Variants in MAD2L2 observed in about 807,000 individuals in gnomAD.
The protein encoded by MAD2L2 is mitotic spindle assembly checkpoint protein MAD2B.
A neutral mutation model predicts 30.5 loss-of-function variants in MAD2L2; 17 were observed. The ratio of observed to expected loss-of-function variants is 0.56; its 90% CI spans 0.38 to 0.84. MAD2L2 has a LOEUF of 0.84. MAD2L2 is among the 40% of genes least tolerant of loss of function. The probability of loss-of-function intolerance (pLI) is 0.00; values close to 1 mark genes in which losing one functional copy is unlikely to be tolerated. For synonymous variants in MAD2L2, 101 were observed against 113.9 expected, an observed-to-expected ratio of 0.89 and a Z score of 0.72; for missense variants, 213 against 277.4, an observed-to-expected ratio of 0.77 and a Z score of 1.65.
intron 4 of MAD2L2, 65 bp from the exon 5 acceptor site, chr1:11,677,013 C>T (rs1640781634): frequency 1.7e-6 from 2 of 1,211,340 alleles, no homozygotes; most frequent in African/African-American, 1.5e-5. Flanking sequence ...ACCCTGCCTC[C>T]ACCCCCTTGC....
chr1:11,684,384 A>C (rs1640925875), upstream of MAD2L2, among the ~76,000 whole-genome samples: 1 of 151,996 alleles, frequency 6.6e-6, no homozygotes, highest in South Asian at 2.1e-4. Flanking sequence ...TTATTTGCAT[A>C]TTTTTCACCA....
At position 11,675,696 on chromosome 1, in the gene MAD2L2, C is replaced by A; in HGVS notation, c.463G>T (p.Ala155Ser). The A allele has an allele frequency of 6.2e-7, 1 of 1,614,114 alleles. No homozygotes were observed. Among genetic ancestry groups the A allele is most frequent in the Non-Finnish European group, 8.5e-7 (1 of 1,180,002 alleles). The change falls in exon 7 of 9, where the codon GCC (alanine) becomes TCC (serine). Residue 155 changes from alanine (A) to serine (S), a missense_variant. Transcript: ENST00000376692. The part of the protein sequence containing the change: ...TFTVLVHTRE[A>S]ATRNMEKIQV... The stretch of plus-strand genomic sequence containing the variant: ...ATCTTCTCCATGTTGCGAGTGGCGG[C>A]TTCTCTCGTGTGCACCAGGACTGTG...
At position 11,676,176 on chromosome 1, in the gene MAD2L2, G is replaced by A. The variant is rs372152375; in HGVS notation, c.333-36C>T. On this transcript the variant is annotated intron_variant, in intron 5 of 8. Transcript: ENST00000376692. ...GAGGAGGTCTTCCCATCACACTGGC[G>A]CCCTCCCCTCCACCACAGGCATCAA... 1.3e-4 allele frequency: 179 copies of A among 1,400,946 alleles called. 1 individual carries two copies. Among genetic ancestry groups the A allele is most frequent in the East Asian group, 7.7e-4 (33 of 42,752 alleles). 86.8% of individuals were successfully genotyped at this position (1,400,946 alleles called of 1,614,324 possible).
At chr1:11,681,508 A>T (rs1640880292), upstream of MAD2L2, 1 of 152,284 alleles carries the variant, frequency 6.6e-6, no homozygotes, top group Non-Finnish European at 1.5e-5. Context: ...CCGAGTCACC[A>T]TCCCTGCAGC....
At chr1:11,685,797 T>C (rs1640946207), upstream of MAD2L2, among the ~76,000 whole-genome samples, 1 of 151,852 alleles carries the variant, frequency 6.6e-6, no homozygotes, top group Admixed American at 6.6e-5. Flanking sequence ...ACAAAAAATA[T>C]AAAAATTAGC....
chr1:11,675,029 C>G, intron 8 of MAD2L2, 53 bp downstream of exon 8: 1 of 1,465,604 alleles, frequency 6.8e-7, no homozygotes, highest in African/African-American at 1.4e-5. Context: ...CACCGGGCCT[C>G]ACTTCGTTAA....
At position 11,675,641 on chromosome 1, in the gene MAD2L2, G is replaced by T. The variant is rs915400901; in HGVS notation, c.501+17C>A. 3 of 1,613,126 alleles carry T rather than the reference G, an allele frequency of 1.9e-6. No homozygotes were observed. Among genetic ancestry groups the T allele is most frequent in the African/African-American group, 2.7e-5 (2 of 74,922 alleles). On this transcript the variant is annotated intron_variant, in intron 7 of 8. Transcript: ENST00000376692. ...TTTCTAGAGCCTGCGCCCAGACCCA[G>T]ACCCATCTCATCTCACCTTGATGAC...
At chr1:11,675,492 C>T (rs1224898555) in intron 7 of MAD2L2, among the ~76,000 whole-genome samples, 166 bp downstream of exon 7, 2 of 152,208 alleles carry the variant, frequency 1.3e-5, no homozygotes, top group African/African-American at 2.4e-5. Flanking sequence ...CTCACTGCCC[C>T]AAGTGCCCAG....
In MAD2L2 at chr1:11,674,732, A is replaced by G. The variant is rs1273627155; in HGVS notation, c.*43T>C. On this transcript the variant is annotated 3_prime_UTR_variant, in exon 9 of 9. Coordinates refer to ENST00000376692, the MANE Select transcript of MAD2L2 (RefSeq NM_006341.4). This position sits in a 1 kb window ranked among gnomAD's most constrained non-coding sequence, Gnocchi z 6.1. ...GCACTGCCCTAGGCGGGGATCCCCC[A>G]AAGTCTGACAGTTTGGGCATCAGTG... 1 of 1,608,152 alleles carries G rather than the reference A, an allele frequency of 6.2e-7. No individual in the cohort carries two copies. Among genetic ancestry groups the G allele is most frequent in the African/African-American group, 1.3e-5 (1 of 74,962 alleles).
At chr1:11,675,920 G>T in intron 6 of MAD2L2, 126 bp downstream of exon 6, 1 of 921,436 alleles carries the variant, frequency 1.1e-6, no homozygotes, top group Non-Finnish European at 1.8e-6. Context: ...GCTTCCCAGA[G>T]GAGGTGGACT....
At position 11,687,301 on chromosome 1, in the gene MAD2L2, G is replaced by A. The variant is rs1174089344; in HGVS notation, c.-692+4112C>T. Among the ~76,000 whole-genome samples the A allele has an allele frequency of 6.6e-6, 1 of 152,132 alleles. No homozygotes were observed. Among genetic ancestry groups the A allele is most frequent in the African/African-American group, 2.4e-5 (1 of 41,426 alleles). Reference sequence around the variant, plus strand: ...GCCACCCAGGCTGGAGGGCGGTGGTGCAATCTCGGCTCAATGAAATCTCTG... The same window carrying A: ...GCCACCCAGGCTGGAGGGCGGTGGTACAATCTCGGCTCAATGAAATCTCTG... On this transcript the variant is annotated intron_variant, in intron 1 of 10. Transcript: ENST00000235310. This position sits in a 1 kb window ranked among gnomAD's most constrained non-coding sequence, Gnocchi z 4.1.
At chr1:11,677,980 C>G (rs529321380) in intron 3 of MAD2L2, among the ~76,000 whole-genome samples, 26 of 150,978 alleles carry the variant, frequency 1.7e-4, no homozygotes, top group African/African-American at 5.8e-4. Context: ...TCGCTTGAAC[C>G]CGGGAGGCGG....
intron 6 of MAD2L2, 73 bp downstream of exon 6, chr1:11,675,973 G>T: frequency 7.8e-7 from 1 of 1,289,706 alleles, no homozygotes; most frequent in Non-Finnish European, 1.1e-6. Context: ...GCCAAACATG[G>T]ACCTGGGAAC....
At position 11,680,365 on chromosome 1, in the gene MAD2L2, G is replaced by A; in HGVS notation, c.147C>T (p.Asn49=). Residue 49 remains asparagine (N), a synonymous_variant, in exon 3 of 9, where the codon AAC becomes AAT. Transcript: ENST00000376692. The part of the protein sequence containing the change: ...VGIFQKRKKY[N]VPVQMSCHPE... ...GGACGTGCCTCACCTGGACCGGCACGTTGTACTTCTTGCGTTTCTGGAAGA... is the reference window on the plus strand; with the variant it reads ...GGACGTGCCTCACCTGGACCGGCACATTGTACTTCTTGCGTTTCTGGAAGA... 1 of 1,613,714 alleles carries A rather than the reference G, an allele frequency of 6.2e-7. No homozygotes were observed. The highest frequency in any genetic ancestry group is 8.5e-7 in the Non-Finnish European group (1 of 1,179,774).
At position 11,688,133 on chromosome 1, in the gene MAD2L2, G is replaced by A. The variant is rs564994050; in HGVS notation, c.-692+3280C>T. Among the ~76,000 whole-genome samples, 3 of 152,258 alleles carry A rather than the reference G, an allele frequency of 2.0e-5. No individual in the cohort carries two copies. Among genetic ancestry groups the A allele is most frequent in the East Asian group, 3.9e-4 (2 of 5,188 alleles). On this transcript the variant is annotated intron_variant, in intron 1 of 10. Coordinates refer to the MAD2L2 transcript ENST00000235310. This position sits in a 1 kb window ranked among gnomAD's most constrained non-coding sequence, Gnocchi z 4.6. Reference sequence around the variant, plus strand: ...ACTGGCCCACAGCTCTATCCTTGGCGACGCAAATCATGCTGGCTGCACACT... The same window carrying A: ...ACTGGCCCACAGCTCTATCCTTGGCAACGCAAATCATGCTGGCTGCACACT...
chr1:11,680,210 G>A, intron 3 of MAD2L2, 143 bp downstream of exon 3: 1 of 616,454 alleles, frequency 1.6e-6, no homozygotes. Context: ...TTGTCAGGCT[G>A]GTCTCGAACT....
At chr1:11,677,869 C>T (rs1002444730) in intron 3 of MAD2L2, among the ~76,000 whole-genome samples, 4 of 152,018 alleles carry the variant, frequency 2.6e-5, no homozygotes, top group Non-Finnish European at 5.9e-5. Flanking sequence ...ACCAGCCTGG[C>T]CAATATGGTG....
Position 11,680,362 on chromosome 1 carries a change from C to A in MAD2L2, c.150G>T (p.Val50=), listed in dbSNP as rs1640849767. The change falls in exon 3 of 9, where the codon GTG becomes GTT. Residue 50 remains valine, a synonymous_variant. Coordinates refer to ENST00000376692, the MANE Select transcript of MAD2L2 (RefSeq NM_006341.4). ...CTGGGACGTGCCTCACCTGGACCGGCACGTTGTACTTCTTGCGTTTCTGGA... is the reference window on the plus strand; with the variant it reads ...CTGGGACGTGCCTCACCTGGACCGGAACGTTGTACTTCTTGCGTTTCTGGA... ...GIFQKRKKYN[V]PVQMSCHPEL... is the part of the protein sequence containing the mutation. 6.2e-7 allele frequency: 1 copy of A among 1,613,560 alleles called. No individual in the cohort carries two copies. Among genetic ancestry groups the A allele is most frequent in the East Asian group, 2.2e-5 (1 of 44,868 alleles).
intron 5 of MAD2L2, 30 bp from the exon 6 acceptor site, chr1:11,676,170 A>G: frequency 1.4e-6 from 2 of 1,444,246 alleles, no homozygotes; most frequent in African/African-American, 1.4e-5. Context: ...TTCCCATCAC[A>G]CTGGCGCCCT....
Sources: allele counts gnomAD v4.1 joint callset (sites outside exome capture counted in the v4.1 genomes callset), GRCh38; gene constraint gnomAD v4.1.1; non-coding constraint Gnocchi (gnomAD v3.1); transcripts MANE v1.5; gene names NCBI Gene and HGNC (gene_info 2026-07-23, HGNC 2026-07-21).